MAP3K4: variants seen among roughly 807,000 people sequenced by gnomAD.
The protein encoded by MAP3K4 is mitogen-activated protein kinase kinase kinase 4, also known as MAP three kinase 1.
Under a neutral mutation model 185.6 loss-of-function variants are expected in MAP3K4, and 67 were observed. That is an observed-to-expected ratio of 0.36 (90% CI 0.30 to 0.44). The LOEUF (loss-of-function observed/expected upper bound fraction) is 0.44. Among genes scored for constraint, MAP3K4 ranks in the 20% least tolerant of loss-of-function variants. The probability of loss-of-function intolerance (pLI) is 1.00; values close to 1 mark genes in which losing one functional copy is unlikely to be tolerated. For synonymous variants in MAP3K4, 702 were observed against 710.4 expected, an observed-to-expected ratio of 0.99 and a Z score of 0.19; for missense variants, 1,551 against 1,995.1, an observed-to-expected ratio of 0.78 and a Z score of 4.24.
chr6:161,087,605 C>G lies in MAP3K4; in HGVS notation c.2557-83C>G. 6.9e-7 allele frequency: 1 copy of G among 1,452,628 alleles called. No homozygotes were observed. Among genetic ancestry groups the G allele is most frequent in the East Asian group, 2.3e-5 (1 of 44,116 alleles). The allele number at this position is 1,452,628 out of a possible 1,614,324, so 90.0% of individuals were successfully genotyped here. A position where few individuals can be genotyped will look rare whatever the true frequency, so the allele number is the denominator to read the frequency against. On this transcript the variant is annotated intron_variant, in intron 9 of 26. Coordinates refer to ENST00000392142, the MANE Select transcript of MAP3K4 (RefSeq NM_005922.4). The surrounding 1 kb of genome is among the most constrained non-coding windows in gnomAD (Gnocchi z 4.9). Reference sequence around the variant, plus strand: ...CCCACTTTCCCTTTCCCAAACCTGCCTCTCCTTTCCTAGGTTTGTTTTAAA... The same window carrying G: ...CCCACTTTCCCTTTCCCAAACCTGCGTCTCCTTTCCTAGGTTTGTTTTAAA...
In MAP3K4 at chr6:161,082,946, G is replaced by GT. The variant is rs1785526640; in HGVS notation, c.2256-1554dup. ...TGGCTCCCCATCTTACTCAGGAAACGTAAGACTGCCTAACAATGGCCCGCA... is the reference window on the plus strand; with the variant it reads ...TGGCTCCCCATCTTACTCAGGAAACGTTAAGACTGCCTAACAATGGCCCGCA... On this transcript the variant is annotated intron_variant, in intron 6 of 26. Coordinates refer to ENST00000392142, the MANE Select transcript of MAP3K4 (RefSeq NM_005922.4). The surrounding 1 kb of genome is among the most constrained non-coding windows in gnomAD (Gnocchi z 4.2). 6.6e-6 allele frequency among the ~76,000 whole-genome samples: 1 copy of GT among 152,152 alleles called. No individual in the cohort carries two copies. The highest frequency in any genetic ancestry group is 1.5e-5 in the Non-Finnish European group (1 of 68,034).
rs1024991955 is a variant in MAP3K4 at position 161,076,967 on chromosome 6, CT to C, written c.2097+3359del. On this transcript the variant is annotated intron_variant, in intron 5 of 26. Coordinates refer to ENST00000392142, the MANE Select transcript of MAP3K4 (RefSeq NM_005922.4). This position sits in a 1 kb window ranked among gnomAD's most constrained non-coding sequence, Gnocchi z 4.2. Reference sequence around the variant, plus strand: ...AAATGCCCTCAGGAAAGGCACAGGTCTTTTGTGGACTGGTTAATTCGATTCA... The same window carrying C: ...AAATGCCCTCAGGAAAGGCACAGGTCTTTGTGGACTGGTTAATTCGATTCA... Among the ~76,000 whole-genome samples the C allele has an allele frequency of 6.6e-6, 1 of 152,086 alleles. No homozygotes were observed. Among genetic ancestry groups the C allele is most frequent in the African/African-American group, 2.4e-5 (1 of 41,414 alleles).
chr6:161,026,295 T>TG (rs757141365), intron 1 of MAP3K4, among the ~76,000 whole-genome samples: 15 of 86,046 alleles, frequency 1.7e-4, no homozygotes, highest in Non-Finnish European at 3.8e-4. Flanking sequence ...CACGCGCAGC[T>TG]AATTTTTTTT....
At chr6:161,012,458 G>A (rs1460900835) in intron 1 of MAP3K4, among the ~76,000 whole-genome samples, 1 of 152,030 alleles carries the variant, frequency 6.6e-6, no homozygotes, top group Admixed American at 6.6e-5. Flanking sequence ...AAAGATGTAA[G>A]GTAATAGAAA....
chr6:161,042,656 A>G (rs1783526059), intron 2 of MAP3K4, among the ~76,000 whole-genome samples: 1 of 152,170 alleles, frequency 6.6e-6, no homozygotes, highest in Non-Finnish European at 1.5e-5. Context: ...CAGTCAAACC[A>G]TTTTTTTCCT....
rs1418187769 is a variant in MAP3K4 at position 161,109,738 on chromosome 6, C to T, written c.4237-17C>T. On this transcript the variant is annotated splice_polypyrimidine_tract_variant and intron_variant, in intron 22 of 26. Transcript: ENST00000392142. This position sits in a 1 kb window ranked among gnomAD's most constrained non-coding sequence, Gnocchi z 5.7. ...GGAAAACCGTAAACACAGAGCTGCC[C>T]TTTATTCCTCCCACAGGAAGAAATG... The T allele has an allele frequency of 1.2e-6, 2 of 1,613,930 alleles. No individual in the cohort carries two copies. The highest frequency in any genetic ancestry group is 3.3e-5 in the Admixed American group (2 of 59,998).
chr6:161,101,962 C>A lies in MAP3K4; in HGVS notation c.3745C>A (p.Arg1249Ser). 1 of 1,614,080 alleles carries A rather than the reference C, an allele frequency of 6.2e-7. No homozygotes were observed. The highest frequency in any genetic ancestry group is 1.1e-5 in the South Asian group (1 of 91,058). Residue 1249 changes from arginine (R) to serine (S), a missense_variant, in exon 18 of 27, where the codon CGT (arginine) becomes AGT (serine). Arg to Ser is a moderately radical substitution (Grantham distance 110, BLOSUM62 -1). Transcript: ENST00000392142. The surrounding 1 kb of genome is among the most constrained non-coding windows in gnomAD (Gnocchi z 5.1). ...TGAATTGCAGTTTAGGTCCCTGAGTCGTCACTCAAGCCCCACGGAGGAGCG... is the reference window on the plus strand; with the variant it reads ...TGAATTGCAGTTTAGGTCCCTGAGTAGTCACTCAAGCCCCACGGAGGAGCG... The part of the protein sequence containing the change: ...AAELQFRSLS[R>S]HSSPTEERDE...
intron 15 of MAP3K4, among the ~76,000 whole-genome samples, chr6:161,095,682 C>T (rs1020127336): frequency 1.3e-5 from 2 of 152,130 alleles, no homozygotes; most frequent in Non-Finnish European, 2.9e-5. Context: ...ACACTGTGGC[C>T]GTCATGAATG....
At chr6:161,003,378 A>G (rs1363822002) in intron 1 of MAP3K4, among the ~76,000 whole-genome samples, 4 of 152,244 alleles carry the variant, frequency 2.6e-5, no homozygotes, top group Admixed American at 2.0e-4. Context: ...AACAGAATCC[A>G]CGGTCATCCT....
At chr6:161,041,679 G>A (rs113699373) in intron 2 of MAP3K4, among the ~76,000 whole-genome samples, 2,462 of 152,218 alleles carry the variant, frequency 0.016, 73 homozygotes, top group African/African-American at 0.057. Context: ...CCTCAAGTGG[G>A]GCTGCCCTGT....
At position 161,092,148 on chromosome 6, in the gene MAP3K4, T is replaced by A. The variant is rs1777342363; in HGVS notation, c.3269+5T>A. On this transcript the variant is annotated splice_donor_5th_base_variant and intron_variant, in intron 13 of 26. Coordinates refer to ENST00000392142, the MANE Select transcript of MAP3K4 (RefSeq NM_005922.4). The stretch of plus-strand genomic sequence containing the variant: ...TGGTAGAGGTACAAGACCCAGGTAA[T>A]GACCAAGTAGGATGTTTCTGAAATG... The A allele has an allele frequency of 1.1e-5, 17 of 1,613,540 alleles. No individual in the cohort carries two copies. The highest frequency in any genetic ancestry group is 1.4e-5 in the Non-Finnish European group (17 of 1,179,738).
In MAP3K4 at chr6:161,043,720, C is replaced by T. The variant is rs73784723; in HGVS notation, c.344-4896C>T. Among the ~76,000 whole-genome samples the T allele has an allele frequency of 8.7e-3, 1,323 of 152,314 alleles. 15 individuals carry two copies. Among genetic ancestry groups the T allele is most frequent in the Middle Eastern group, 0.065 (19 of 294 alleles). On this transcript the variant is annotated intron_variant, in intron 2 of 26. Coordinates refer to ENST00000392142, the MANE Select transcript of MAP3K4 (RefSeq NM_005922.4). The surrounding 1 kb of genome is among the most constrained non-coding windows in gnomAD (Gnocchi z 4.3). Reference sequence around the variant, plus strand: ...CACTTTAGCAGGAACGCAGTGATTTCGAACATACACTGAAATTTGAGAAGC... The same window carrying T: ...CACTTTAGCAGGAACGCAGTGATTTTGAACATACACTGAAATTTGAGAAGC...
In MAP3K4 at chr6:161,056,489, C is replaced by T. The variant is rs1159377513; in HGVS notation, c.1707+6510C>T. ...ACTGATGTCTTTCGCTCTGATTCAG[C>T]ACAAGGTTCATTCCGACTTTCCTCC... On this transcript the variant is annotated intron_variant, in intron 3 of 26. Coordinates refer to ENST00000392142, the MANE Select transcript of MAP3K4 (RefSeq NM_005922.4). This position sits in a 1 kb window ranked among gnomAD's most constrained non-coding sequence, Gnocchi z 5.4. Among the ~76,000 whole-genome samples, 8 of 152,196 alleles carry T rather than the reference C, an allele frequency of 5.3e-5. No homozygotes were observed. Among genetic ancestry groups the T allele is most frequent in the African/African-American group, 1.9e-4 (8 of 41,452 alleles).
At chr6:161,055,763 A>G (rs1314254783) in intron 3 of MAP3K4, among the ~76,000 whole-genome samples, 7 of 152,166 alleles carry the variant, frequency 4.6e-5, no homozygotes, top group Non-Finnish European at 8.8e-5. Context: ...TTACATTGTC[A>G]CTGTTGATGT....
Position 161,076,187 on chromosome 6 carries a change from C to T in MAP3K4, c.2097+2575C>T, listed in dbSNP as rs1785168014. On this transcript the variant is annotated intron_variant, in intron 5 of 26. Transcript: ENST00000392142. The surrounding 1 kb of genome is among the most constrained non-coding windows in gnomAD (Gnocchi z 4.2). Reference sequence around the variant, plus strand: ...GTGTCCGCCTTAGGCCCAGAAGGCCCACCCAGAGATTAACTAGAGCCTTGA... The same window carrying T: ...GTGTCCGCCTTAGGCCCAGAAGGCCTACCCAGAGATTAACTAGAGCCTTGA... 6.6e-6 allele frequency among the ~76,000 whole-genome samples: 1 copy of T among 152,208 alleles called. No individual in the cohort carries two copies. Among genetic ancestry groups the T allele is most frequent in the African/African-American group, 2.4e-5 (1 of 41,458 alleles).
chr6:161,075,343 A>G lies in MAP3K4; in HGVS notation c.2097+1731A>G, dbSNP rs1267767549. On this transcript the variant is annotated intron_variant, in intron 5 of 26. Transcript: ENST00000392142. The surrounding 1 kb of genome is among the most constrained non-coding windows in gnomAD (Gnocchi z 4.3). The stretch of plus-strand genomic sequence containing the variant: ...CTAATTTTTAAAAATTTTTTTGTAG[A>G]GTCAGGGTCTCACTATGTTGCCCAG... Among the ~76,000 whole-genome samples, 2 of 152,028 alleles carry G rather than the reference A, an allele frequency of 1.3e-5. No homozygotes were observed. The highest frequency in any genetic ancestry group is 1.3e-4 in the Admixed American group (2 of 15,272).
chr6:161,107,819 A>G lies in MAP3K4; in HGVS notation c.4049-80A>G. ...ATAAATATACGTCCAAAATAATTGG[A>G]CAGTATTATTACAAGTTTAAGGAAT... On this transcript the variant is annotated intron_variant, in intron 20 of 26. Coordinates refer to ENST00000392142, the MANE Select transcript of MAP3K4 (RefSeq NM_005922.4). The surrounding 1 kb of genome is among the most constrained non-coding windows in gnomAD (Gnocchi z 6.2). The G allele has an allele frequency of 3.3e-6, 3 of 899,268 alleles. No homozygotes were observed. The highest frequency in any genetic ancestry group is 5.4e-6 in the Non-Finnish European group (3 of 554,018). 55.7% of individuals were successfully genotyped at this position (899,268 alleles called of 1,614,324 possible).
At position 161,080,878 on chromosome 6, in the gene MAP3K4, A is replaced by G. The variant is rs1178387848; in HGVS notation, c.2098-3A>G. ...TGTCTCCCTTTACTTTTTGTGTTTT[A>G]AGGTGTATTTTGATTACATGAGAAG... On this transcript the variant is annotated splice_polypyrimidine_tract_variant and splice_region_variant and intron_variant, in intron 5 of 26. Coordinates refer to ENST00000392142, the MANE Select transcript of MAP3K4 (RefSeq NM_005922.4). The surrounding 1 kb of genome is among the most constrained non-coding windows in gnomAD (Gnocchi z 4.8). The G allele has an allele frequency of 5.0e-6, 8 of 1,613,072 alleles. No individual in the cohort carries two copies. The highest frequency in any genetic ancestry group is 6.8e-6 in the Non-Finnish European group (8 of 1,179,486).
intron 3 of MAP3K4, among the ~76,000 whole-genome samples, chr6:161,069,516 T>G (rs1784841659): frequency 6.6e-6 from 1 of 152,052 alleles, no homozygotes; most frequent in African/African-American, 2.4e-5. Context: ...AGGGTGAGAC[T>G]AGGTCATGGA....
Sources: allele counts gnomAD v4.1 joint callset (sites outside exome capture counted in the v4.1 genomes callset), GRCh38; gene constraint gnomAD v4.1.1; non-coding constraint Gnocchi (gnomAD v3.1); transcripts MANE v1.5; gene names NCBI Gene and HGNC (gene_info 2026-07-23, HGNC 2026-07-21).